The following ZBTB17 variants were observed in gnomAD, a reference collection of about 807,000 sequenced individuals.
The protein encoded by ZBTB17 is zinc finger and BTB domain containing 17, also known as zinc finger and BTB domain-containing protein 17.
In ZBTB17, 24 loss-of-function variants were observed where a neutral mutation model predicts 85.1. The observed-to-expected ratio is 0.28, with a 90% CI of 0.20 to 0.40. ZBTB17 has a LOEUF of 0.40. ZBTB17 is among the 10% of genes least tolerant of loss of function. The probability of loss-of-function intolerance (pLI) is 1.00; values close to 1 mark genes in which losing one functional copy is unlikely to be tolerated. For synonymous variants in ZBTB17, 464 were observed against 460.2 expected (o/e 1.01, Z -0.11); for missense variants, 743 against 1,105.1 (o/e 0.67, Z 4.65).
Position 15,942,243 on chromosome 1 carries a change from G to C in ZBTB17, c.2138C>G (p.Thr713Ser). 4 of 1,613,408 alleles carry C rather than the reference G, an allele frequency of 2.5e-6. No homozygotes were observed. Among genetic ancestry groups the C allele is most frequent in the Non-Finnish European group, 3.4e-6 (4 of 1,179,582 alleles). ...GGAGTCACAGGCGTAGAGGATGTGA[G>C]TGTTGGGGTCTGTGGAGGTGGGGCA... is the stretch of plus-strand genomic sequence containing the variant. ...VKQVQEEDPNTHILYACDSCG... is the reference protein window; with the variant it reads ...VKQVQEEDPNSHILYACDSCG... The change falls in exon 16 of 16, where the codon ACT becomes AGT. Residue 713 changes from threonine to serine, a missense_variant. Around this residue, in one of 4 missense-constraint regions of ZBTB17, gnomAD observed 321 missense variants for 615.7 expected, o/e 0.52. Transcript: ENST00000375743.
chr1:15,950,895 G>A (rs904090300), intron 2 of ZBTB17, among the ~76,000 whole-genome samples: 10 of 152,334 alleles, frequency 6.6e-5, no homozygotes, highest in South Asian at 2.1e-4. Flanking sequence ...CCTGGCAAGC[G>A]CAGCCCCGCC....
chr1:15,947,500 T>C (rs742617), intron 3 of ZBTB17, among the ~76,000 whole-genome samples: 30,328 of 151,214 alleles, frequency 0.2, 3,843 homozygotes, highest in African/African-American at 0.35. Flanking sequence ...GAAAAGGAGG[T>C]GTGAATATGC....
chr1:15,968,323 A>G (rs946689908), intron 2 of ZBTB17, among the ~76,000 whole-genome samples: 2 of 152,156 alleles, frequency 1.3e-5, no homozygotes, highest in East Asian at 1.9e-4. Flanking sequence ...ATCAAGGCTG[A>G]TCATCCACTC....
At chr1:15,957,420 A>T in intron 2 of ZBTB17, among the ~76,000 whole-genome samples, 1 of 151,744 alleles carries the variant, frequency 6.6e-6, no homozygotes, top group Non-Finnish European at 1.5e-5. Context: ...GGAGAGGAGG[A>T]GGTGTGTGGC....
In ZBTB17 at chr1:15,976,053, A is replaced by C; in HGVS notation, c.-160T>G. 1 of 692,686 alleles carries C rather than the reference A, an allele frequency of 1.4e-6. No homozygotes were observed. The highest frequency in any genetic ancestry group is 2.6e-6 in the Non-Finnish European group (1 of 380,162). The allele number at this position is 692,686 out of a possible 1,614,324, so 42.9% of individuals were successfully genotyped here. A position where few individuals can be genotyped will look rare whatever the true frequency, so the allele number is the denominator to read the frequency against. ...GCGAGAAGGCCGGGGACGGCACTCC[A>C]GAGCAGACAAAGGGCGCCGCCATGT... is the stretch of plus-strand genomic sequence containing the variant. On this transcript the variant is annotated 5_prime_UTR_variant, in exon 1 of 16. Coordinates refer to ENST00000375743, the MANE Select transcript of ZBTB17 (RefSeq NM_003443.3).
In ZBTB17 at chr1:15,944,976, C is replaced by T. The variant is rs1353717463; in HGVS notation, c.888G>A (p.Thr296=). The change falls in exon 7 of 16, where the codon ACG becomes ACA. Residue 296 remains threonine, a synonymous_variant. Transcript: ENST00000375743. ...GLRSGTYGDR[T]ESKAYGSVIH... is the part of the protein sequence containing the mutation. ...TGACGGAGCCGTAGGCCTTGGACTC[C>T]GTGCGGTCGCCGTAGGTGCCTGAGC... 3 of 1,583,468 alleles carry T rather than the reference C, an allele frequency of 1.9e-6. No homozygotes were observed. The highest frequency in any genetic ancestry group is 2.3e-5 in the East Asian group (1 of 43,500).
chr1:15,957,338 G>A (rs943082554), intron 2 of ZBTB17, among the ~76,000 whole-genome samples: 4 of 152,218 alleles, frequency 2.6e-5, no homozygotes, highest in South Asian at 4.1e-4. Flanking sequence ...ACCCTGAGGC[G>A]GGCATGACTT....
intron 2 of ZBTB17, among the ~76,000 whole-genome samples, chr1:15,956,285 G>A (rs968706809): frequency 6.6e-6 from 1 of 152,128 alleles, no homozygotes; most frequent in Admixed American, 6.5e-5. Context: ...TGCAAGGTGG[G>A]GCTACTTCTT....
At position 15,974,184 on chromosome 1, in the gene ZBTB17, T is replaced by TA. The variant is rs2072772370; in HGVS notation, c.-89-1060dup. ...CCAGCCTGGGTGACAGAGCAAGACGTAGTCTCAAAAAAAAAAAACAAAAAC... is the reference window on the plus strand; with the variant it reads ...CCAGCCTGGGTGACAGAGCAAGACGTAAGTCTCAAAAAAAAAAAACAAAAAC... On this transcript the variant is annotated intron_variant, in intron 1 of 15. Transcript: ENST00000375743. Among the ~76,000 whole-genome samples the TA allele has an allele frequency of 4.1e-5, 5 of 122,848 alleles. 1 individual carries two copies. The South Asian group carries it at 1.4e-3, about 34-fold the overall frequency. 80.6% of individuals were successfully genotyped at this position (122,848 alleles called of 152,430 possible). A position where few individuals can be genotyped will look rare whatever the true frequency, so the allele number is the denominator to read the frequency against.
In ZBTB17 at chr1:15,966,966, AAAG is replaced by A. The variant is rs1192251530; in HGVS notation, c.-3+6070_-3+6072del. On this transcript the variant is annotated intron_variant, in intron 2 of 15. Transcript: ENST00000375743. This position sits in a 1 kb window ranked among gnomAD's most constrained non-coding sequence, Gnocchi z 4.1. The stretch of plus-strand genomic sequence containing the variant: ...ACAAAAAAAAAAGCCGTGGCCAGCA[AAAG>A]AAGTAGATTATGATCTCCAGGACAA... 3.9e-5 allele frequency among the ~76,000 whole-genome samples: 6 copies of A among 152,092 alleles called. No homozygotes were observed. The East Asian group carries it at 1.2e-3, about 29-fold the overall frequency.
intron 2 of ZBTB17, among the ~76,000 whole-genome samples, chr1:15,962,070 G>A (rs1313162311): frequency 1.3e-5 from 2 of 152,096 alleles, no homozygotes; most frequent in Admixed American, 1.3e-4. Flanking sequence ...AGCCGGGTGT[G>A]GTGGCAGGTG....
Position 15,942,625 on chromosome 1 carries a change from G to C in ZBTB17, c.1942C>G (p.Pro648Ala), listed in dbSNP as rs761800735. ...ACGCTGACCTCACTGCCCTCCTCGG[G>C]CTCCAGGATCTTGATGCCTGCCTTG... ...QGKAGIKILE[P>A]EEGSEVSVVT... Residue 648 changes from proline to alanine, a missense_variant, in exon 14 of 16, where the codon CCC becomes GCC. Pro to Ala is a conservative substitution (Grantham distance 27). Around this residue, in one of 4 missense-constraint regions of ZBTB17, gnomAD observed 321 missense variants for 615.7 expected, o/e 0.52. Transcript: ENST00000375743. The C allele has an allele frequency of 6.2e-7, 1 of 1,613,408 alleles. No individual in the cohort carries two copies. The highest frequency in any genetic ancestry group is 8.5e-7 in the Non-Finnish European group (1 of 1,180,046).
At chr1:15,950,000 C>G (rs1221119248) in intron 2 of ZBTB17, among the ~76,000 whole-genome samples, 5 of 152,190 alleles carry the variant, frequency 3.3e-5, no homozygotes, top group Non-Finnish European at 5.9e-5. Flanking sequence ...AACAGCTGTT[C>G]CCTCCCCCTA....
chr1:15,970,781 T>G (rs975686402), intron 2 of ZBTB17, among the ~76,000 whole-genome samples: 9 of 151,950 alleles, frequency 5.9e-5, no homozygotes, highest in African/African-American at 2.2e-4. Context: ...TCTCCTGACC[T>G]CGTGATCCAC....
At chr1:15,945,443 C>T (rs544049821) in intron 6 of ZBTB17, among the ~76,000 whole-genome samples, 1 of 152,358 alleles carries the variant, frequency 6.6e-6, no homozygotes, top group South Asian at 2.1e-4. Flanking sequence ...CAAGGCACCC[C>T]TGCACGGTGC....
In ZBTB17 at chr1:15,944,970, G is replaced by C; in HGVS notation, c.894C>G (p.Ser298=). Residue 298 remains serine (S), a synonymous_variant, in exon 7 of 16, where the codon TCC becomes TCG. Coordinates refer to ENST00000375743, the MANE Select transcript of ZBTB17 (RefSeq NM_003443.3). ...RSGTYGDRTE[S]KAYGSVIHKC... The stretch of plus-strand genomic sequence containing the variant: ...TGTGGATGACGGAGCCGTAGGCCTT[G>C]GACTCCGTGCGGTCGCCGTAGGTGC... 1 of 1,583,626 alleles carries C rather than the reference G, an allele frequency of 6.3e-7. No homozygotes were observed. Among genetic ancestry groups the C allele is most frequent in the Non-Finnish European group, 8.6e-7 (1 of 1,167,986 alleles).
rs761670568 is a variant in ZBTB17 at position 15,948,307 on chromosome 1, G to C, written c.189C>G (p.Asp63Glu). 1 of 1,613,904 alleles carries C rather than the reference G, an allele frequency of 6.2e-7. No homozygotes were observed. The highest frequency in any genetic ancestry group is 1.1e-5 in the South Asian group (1 of 91,090). Residue 63 changes from aspartate (D) to glutamate (E), a missense_variant, in exon 3 of 16, where the codon GAC (aspartate) becomes GAG (glutamate). Physicochemically the swap from Asp to Glu is conservative, Grantham distance 45 (BLOSUM62 2). This residue lies in a region of ZBTB17 where 74 missense variants were observed against 142.6 expected (regional missense o/e 0.52). Transcript: ENST00000375743. The stretch of plus-strand genomic sequence containing the variant: ...ACGGGGTACCTGCCGCGTTACTGAT[G>C]TCCAGGTGCACCACGTCCTTCTGGT... ...FVDQKDVVHLDISNAAGLGQV... is the reference protein window; with the variant it reads ...FVDQKDVVHLEISNAAGLGQV...
Position 15,964,586 on chromosome 1 carries a change from G to A in ZBTB17, c.-3+8453C>T, listed in dbSNP as rs908772658. Among the ~76,000 whole-genome samples the A allele has an allele frequency of 2.0e-5, 3 of 152,046 alleles. No homozygotes were observed. The highest frequency in any genetic ancestry group is 4.8e-5 in the African/African-American group (2 of 41,382). On this transcript the variant is annotated intron_variant, in intron 2 of 15. Coordinates refer to ENST00000375743, the MANE Select transcript of ZBTB17 (RefSeq NM_003443.3). This position sits in a 1 kb window ranked among gnomAD's most constrained non-coding sequence, Gnocchi z 4.3. Reference sequence around the variant, plus strand: ...GACAAAAATAGCTGAGCGTGGTGGCGTGTGCCTCTAGTCTCAGCTACTTGG... The same window carrying A: ...GACAAAAATAGCTGAGCGTGGTGGCATGTGCCTCTAGTCTCAGCTACTTGG...
In ZBTB17 at chr1:15,945,264, C is replaced by T. The variant is rs1390248031; in HGVS notation, c.662-62G>A. On this transcript the variant is annotated intron_variant, in intron 6 of 15. Transcript: ENST00000375743. ...TCTCTGCCTGAGCGCACGTGAGGGG[C>T]GCCGGCAACATGTGGAAGGGACAGT... 4.1e-5 allele frequency: 63 copies of T among 1,527,804 alleles called. No individual in the cohort carries two copies. In the Middle Eastern group the frequency reaches 5.1e-4, roughly 12 times the overall value. 94.6% of individuals were successfully genotyped at this position (1,527,804 alleles called of 1,614,324 possible). A position where few individuals can be genotyped will look rare whatever the true frequency, so the allele number is the denominator to read the frequency against.
Sources: allele counts gnomAD v4.1 joint callset (sites outside exome capture counted in the v4.1 genomes callset), GRCh38; gene constraint gnomAD v4.1.1; regional missense constraint gnomAD v4.1.1; non-coding constraint Gnocchi (gnomAD v3.1); transcripts MANE v1.5; gene names NCBI Gene and HGNC (gene_info 2026-07-23, HGNC 2026-07-21).